Variants in CCDC59 observed in about 807,000 individuals in gnomAD.
CCDC59 encodes thyroid transcription factor 1-associated protein 26.
A neutral mutation model predicts 30.5 loss-of-function variants in CCDC59; 27 were observed. The observed-to-expected ratio is 0.89, with a 90% confidence interval of 0.65 to 1.22. CCDC59 has a LOEUF of 1.22. Among genes scored for constraint, CCDC59 ranks in the 50% most tolerant of loss-of-function variants. The pLI, the probability that CCDC59 is intolerant of heterozygous loss-of-function variation, is 0.00. For synonymous variants in CCDC59, 125 were observed against 100.9 expected (o/e 1.24, Z -1.43); for missense variants, 362 against 284.4 (o/e 1.27, Z -1.96).
At chr12:82,358,529 A>C (rs768466364), upstream of CCDC59, 1 of 1,601,506 alleles carries the variant, frequency 6.2e-7, no homozygotes, top group Non-Finnish European at 8.5e-7. Context: ...CCTCACGGCC[A>C]TGTTTGCGCC....
intron 2 of CCDC59, chr12:82,355,447 A>G (rs1350318640): frequency 6.6e-6 from 1 of 152,228 alleles, no homozygotes. Context: ...GGAAGGAAAA[A>G]AAATCGTATG....
chr12:82,357,365 A>G (rs1034421135), intron 1 of CCDC59, 96 bp from the exon 2 acceptor site: 8 of 962,672 alleles, frequency 8.3e-6, no homozygotes, highest in Non-Finnish European at 1.2e-5. Context: ...TTTTTACGTC[A>G]TCACATTCAG....
Position 82,357,265 on chromosome 12 carries a change from T to G in CCDC59, c.159A>C (p.Gln53His). The stretch of plus-strand genomic sequence containing the variant: ...TCAGTTTTCTTCGAAAAGCAAAGCC[T>G]TGTCCTACATTGAGGAATATCATCC... ...QAFVGSVREG[Q>H]GFAFRRKLKI... The change falls in exon 2 of 4, where the codon CAA becomes CAC. Residue 53 changes from glutamine to histidine, a missense_variant. Transcript: ENST00000256151. The G allele has an allele frequency of 6.5e-7, 1 of 1,541,640 alleles. No homozygotes were observed. Among genetic ancestry groups the G allele is most frequent in the South Asian group, 1.1e-5 (1 of 87,650 alleles).
intron 3 of CCDC59, 148 bp downstream of exon 3, chr12:82,354,347 T>A (rs1880933893): frequency 1.9e-6 from 1 of 528,132 alleles, no homozygotes; most frequent in African/African-American, 2.0e-5. Context: ...GATGCAATCC[T>A]CTACCTTTGC....
At chr12:82,356,851 T>C in intron 2 of CCDC59, 109 bp downstream of exon 2, 1 of 885,246 alleles carries the variant, frequency 1.1e-6, no homozygotes, top group Non-Finnish European at 1.6e-6. Context: ...AACCGTGACT[T>C]CTAAAATGTG....
chr12:82,354,681 T>C lies in CCDC59; in HGVS notation c.465-87A>G, dbSNP rs890804565. On this transcript the variant is annotated intron_variant, in intron 2 of 3. Transcript: ENST00000256151. ...AACACAGTTGTAGCTTTTAAGAGTA[T>C]ATATTAAATAAAAGGCACAAATGGG... is the stretch of plus-strand genomic sequence containing the variant. The C allele has an allele frequency of 2.2e-5, 25 of 1,160,102 alleles. 1 individual carries two copies. The highest frequency in any genetic ancestry group is 7.1e-5 in the Admixed American group (2 of 28,322). The allele number at this position is 1,160,102 out of a possible 1,614,324, so 71.9% of individuals were successfully genotyped here.
Position 82,353,110 on chromosome 12 carries a change from C to A in CCDC59, c.*41G>T. On this transcript the variant is annotated 3_prime_UTR_variant, in exon 4 of 4. Coordinates refer to ENST00000256151, the MANE Select transcript of CCDC59 (RefSeq NM_014167.5). ...TGGGAGGCACATGTCACAGAAGAAC[C>A]TAATAGGCAGCAGATATTTTAACCT... 6.5e-7 allele frequency: 1 copy of A among 1,534,348 alleles called. No homozygotes were observed. Among genetic ancestry groups the A allele is most frequent in the East Asian group, 2.3e-5 (1 of 44,368 alleles).
rs1365233747 is a variant in CCDC59, at chr12:82,357,008, C to T, written c.416G>A (p.Cys139Tyr). Residue 139 changes from cysteine (C) to tyrosine (Y), a missense_variant, in exon 2 of 4, where the codon TGT (cysteine) becomes TAT (tyrosine). Cys to Tyr is a radical substitution (Grantham distance 194). Transcript: ENST00000256151. ...TTCTGGCTGAGGCTGGTCAAAGCTACACTGATCTTCAAATAAAGGCTCGTC... is the reference window on the plus strand; with the variant it reads ...TTCTGGCTGAGGCTGGTCAAAGCTATACTGATCTTCAAATAAAGGCTCGTC... ...SIDEPLFEDQ[C>Y]SFDQPQPEEQ... The T allele has an allele frequency of 1.9e-6, 3 of 1,614,178 alleles. No individual in the cohort carries two copies. The highest frequency in any genetic ancestry group is 1.7e-6 in the Non-Finnish European group (2 of 1,180,018).
chr12:82,358,261 G>A lies in CCDC59; in HGVS notation c.116C>T (p.Pro39Leu), dbSNP rs1313897101. 4 of 1,614,190 alleles carry A rather than the reference G, an allele frequency of 2.5e-6. No homozygotes were observed. Among genetic ancestry groups the A allele is most frequent in the African/African-American group, 1.3e-5 (1 of 75,058 alleles). The change falls in exon 1 of 4, where the codon CCT (proline) becomes CTT (leucine). Residue 39 changes from proline to leucine, a missense_variant. Physicochemically the swap from Pro to Leu is moderately conservative, Grantham distance 98. Transcript: ENST00000256151. ...CCCCACGAAGGCTTGCGGGTGGTTA[G>A]GCCGCCATGTCTTCTGTCTCACATT... ...NKNVRQKTWR[P>L]NHPQAFVGSV...
chr12:82,357,343 A>G (rs915716553), intron 1 of CCDC59, 74 bp from the exon 2 acceptor site: 8 of 1,276,302 alleles, frequency 6.3e-6, no homozygotes, highest in Non-Finnish European at 8.7e-6. Flanking sequence ...TGTTAATTAC[A>G]AATGAAAACT....
At position 82,357,943 on chromosome 12, in the gene CCDC59, A is replaced by G. The variant is rs557021069; in HGVS notation, c.154+280T>C. ...CACATGCGCAAGAGTTCACAGGGTC[A>G]TAGACTCTCTCTGCTCAGTTTCTCA... On this transcript the variant is annotated intron_variant, in intron 1 of 3. Transcript: ENST00000256151. Among the ~76,000 whole-genome samples the G allele has an allele frequency of 1.2e-4, 18 of 152,332 alleles. No homozygotes were observed. In the South Asian group the frequency reaches 3.5e-3, roughly 30 times the overall value.
chr12:82,352,537 T>C lies in CCDC59; in HGVS notation c.*614A>G, dbSNP rs1880859624. The C allele has an allele frequency of 6.6e-6, 1 of 152,278 alleles. No homozygotes were observed. Among genetic ancestry groups the C allele is most frequent in the Non-Finnish European group, 1.5e-5 (1 of 68,062 alleles). 9.4% of individuals were successfully genotyped at this position (152,278 alleles called of 1,614,324 possible). On this transcript the variant is annotated 3_prime_UTR_variant, in exon 4 of 4. Coordinates refer to ENST00000256151, the MANE Select transcript of CCDC59 (RefSeq NM_014167.5). ...CCATAGGAACTGGAAAGCTTAATTC[T>C]TGCTGTGACACTGTGGGGTTTCCAT...
rs1193616481 is a variant in CCDC59 at position 82,357,187 on chromosome 12, C to T, written c.237G>A (p.Thr79=). Residue 79 remains threonine (T), a synonymous_variant, in exon 2 of 4, where the codon ACG becomes ACA. Transcript: ENST00000256151. ...KLLRKEKKAQ[T]SLESQFTDRY... is the part of the protein sequence containing the mutation. The stretch of plus-strand genomic sequence containing the variant: ...GATCTGTGAATTGAGATTCCAGTGA[C>T]GTTTGAGCCTTCTTTTCCTTCCGTA... 4 of 1,613,986 alleles carry T rather than the reference C, an allele frequency of 2.5e-6. No individual in the cohort carries two copies. Among genetic ancestry groups the T allele is most frequent in the Non-Finnish European group, 3.4e-6 (4 of 1,179,966 alleles).
At chr12:82,354,621 G>T in intron 2 of CCDC59, 27 bp from the exon 3 acceptor site, 2 of 1,538,546 alleles carry the variant, frequency 1.3e-6, no homozygotes, top group South Asian at 1.2e-5. Flanking sequence ...GAGGAAACAG[G>T]ACTTTATTAG....
In CCDC59 at chr12:82,358,330, T is replaced by G. The variant is rs1173621216; in HGVS notation, c.47A>C (p.Glu16Ala). 6.2e-7 allele frequency: 1 copy of G among 1,614,030 alleles called. No individual in the cohort carries two copies. Among genetic ancestry groups the G allele is most frequent in the Non-Finnish European group, 8.5e-7 (1 of 1,180,008 alleles). Residue 16 changes from glutamate (E) to alanine (A), a missense_variant, in exon 1 of 4, where the codon GAG (glutamate) becomes GCG (alanine). Glu to Ala is a moderately radical substitution (Grantham distance 107). Coordinates refer to ENST00000256151, the MANE Select transcript of CCDC59 (RefSeq NM_014167.5). ...AGTGGAAACCCCTTCACCACGCGCC[T>G]CAATACCACCAGGCCGCCACTTCGC... ...RSAKWRPGGI[E>A]ARGEGVSTVG...
upstream of CCDC59, chr12:82,358,459 G>C (rs1438969528): frequency 1.9e-6 from 3 of 1,602,922 alleles, no homozygotes; most frequent in African/African-American, 2.7e-5. Flanking sequence ...CAATCGCTCA[G>C]AAGGAATCCG....
At position 82,353,165 on chromosome 12, in the gene CCDC59, G is replaced by T. The variant is rs534856176; in HGVS notation, c.712C>A (p.Gln238Lys). 12 of 1,599,554 alleles carry T rather than the reference G, an allele frequency of 7.5e-6. No homozygotes were observed. In the African/African-American group the frequency reaches 1.6e-4, roughly 22 times the overall value. The change falls in exon 4 of 4, where the codon CAA (glutamine) becomes AAA (lysine). Residue 238 changes from glutamine to lysine, a missense_variant. By Grantham distance (53) the Gln-to-Lys change is moderately conservative. Coordinates refer to ENST00000256151, the MANE Select transcript of CCDC59 (RefSeq NM_014167.5). ...VQMEYLLQKI[Q>K]EKC ...GAACAAAATGTTTAACATTTTTCTT[G>T]TATTTTTTGAAGAAGGTACTCCATT...
chr12:82,358,084 T>G (rs1565786995), intron 1 of CCDC59, 139 bp downstream of exon 1: 6 of 915,222 alleles, frequency 6.6e-6, no homozygotes, highest in Non-Finnish European at 9.9e-6. Flanking sequence ...CTCACAGCTT[T>G]AGCGGGCTCA....
rs1880863930 is a variant in CCDC59 at position 82,352,701 on chromosome 12, C to T, written c.*450G>A. On this transcript the variant is annotated 3_prime_UTR_variant, in exon 4 of 4. Coordinates refer to ENST00000256151, the MANE Select transcript of CCDC59 (RefSeq NM_014167.5). ...GGGCAGTTTATTTCAGCACCCATCA[C>T]CCTGTAACATGTACTTAAAATAAAT... 6.5e-6 allele frequency: 1 copy of T among 154,122 alleles called. No individual in the cohort carries two copies. The highest frequency in any genetic ancestry group is 6.4e-5 in the Admixed American group (1 of 15,542). 9.5% of individuals were successfully genotyped at this position (154,122 alleles called of 1,614,324 possible).
Sources: allele counts gnomAD v4.1 joint callset (sites outside exome capture counted in the v4.1 genomes callset), GRCh38; gene constraint gnomAD v4.1.1; transcripts MANE v1.5; gene names NCBI Gene and HGNC (gene_info 2026-07-23, HGNC 2026-07-21).